The following FAM120B variants were observed in gnomAD, a reference collection of about 807,000 sequenced individuals.
FAM120B encodes family with sequence similarity 120 member B, also known as constitutive coactivator of peroxisome proliferator-activated receptor gamma.
Under a neutral mutation model 96.3 loss-of-function variants are expected in FAM120B, and 83 were observed. The ratio of observed to expected loss-of-function variants is 0.86; its 90% CI spans 0.72 to 1.03. FAM120B has a LOEUF of 1.03. FAM120B is among the 50% of genes least tolerant of loss of function. The pLI is 0.00. For missense variants in FAM120B, 1,027 were observed against 1,121.2 expected (o/e 0.92, Z 1.20); for synonymous variants, 407 against 402.7 (o/e 1.01, Z -0.13).
chr6:170,376,244 A>G (rs1789503630), intron 6 of FAM120B, among the ~76,000 whole-genome samples: 1 of 152,084 alleles, frequency 6.6e-6, no homozygotes, highest in Non-Finnish European at 1.5e-5. Context: ...CTTTGTGAGG[A>G]CTGTGTATGA....
intron 5 of FAM120B, among the ~76,000 whole-genome samples, chr6:170,349,427 A>G (rs940478915): frequency 2.6e-5 from 4 of 152,268 alleles, no homozygotes; most frequent in Non-Finnish European, 4.4e-5. Context: ...TTGTAGAAAT[A>G]CATCTCAAGG....
chr6:170,362,801 C>G (rs754229906), intron 6 of FAM120B, among the ~76,000 whole-genome samples: 15 of 151,826 alleles, frequency 9.9e-5, no homozygotes, highest in Non-Finnish European at 1.8e-4. Context: ...CCCACCTCAG[C>G]CTTCCTAGTA....
In FAM120B at chr6:170,396,581, A is replaced by G. The variant is rs117584181; in HGVS notation, c.2692+1002A>G. ...AATGAGCTTAACCTGCAGAAACTCA[A>G]CCCCACCGAGTCGTGCAGTCACTGT... On this transcript the variant is annotated intron_variant, in intron 9 of 10. Coordinates refer to ENST00000476287, the MANE Select transcript of FAM120B (RefSeq NM_032448.3). Among the ~76,000 whole-genome samples, 44 of 152,224 alleles carry G rather than the reference A, an allele frequency of 2.9e-4. No individual in the cohort carries two copies. In the East Asian group the frequency reaches 8.3e-3, roughly 29 times the overall value.
At chr6:170,393,511 A>T (rs1160632965) in intron 8 of FAM120B, among the ~76,000 whole-genome samples, 3 of 152,234 alleles carry the variant, frequency 2.0e-5, no homozygotes, top group Non-Finnish European at 2.9e-5. Context: ...CAAGTTAATG[A>T]GGCAAACTAC....
intron 5 of FAM120B, among the ~76,000 whole-genome samples, chr6:170,354,123 C>T (rs1787748188): frequency 6.6e-6 from 1 of 152,172 alleles, no homozygotes; most frequent in East Asian, 1.9e-4. Context: ...GACCACACAT[C>T]TACAACCATC....
intron 4 of FAM120B, among the ~76,000 whole-genome samples, chr6:170,340,776 G>A (rs889010948): frequency 6.6e-6 from 1 of 152,174 alleles, no homozygotes; most frequent in African/African-American, 2.4e-5. Flanking sequence ...TTTGCTGGAG[G>A]TCCACTCTAT....
chr6:170,315,542 A>G (rs532446354), intron 1 of FAM120B, among the ~76,000 whole-genome samples: 10 of 152,316 alleles, frequency 6.6e-5, no homozygotes, highest in East Asian at 3.9e-4. Context: ...TACCTTGGCT[A>G]TGTTTCCAAG....
Position 170,318,860 on chromosome 6 carries a change from C to G in FAM120B, c.1470C>G (p.Asp490Glu). The G allele has an allele frequency of 1.2e-6, 2 of 1,614,156 alleles. No individual in the cohort carries two copies. The highest frequency in any genetic ancestry group is 1.7e-6 in the Non-Finnish European group (2 of 1,180,028). Residue 490 changes from aspartate to glutamate, a missense_variant, in exon 2 of 11, where the codon GAC becomes GAG. Asp to Glu is a conservative substitution (Grantham distance 45). Coordinates refer to ENST00000476287, the MANE Select transcript of FAM120B (RefSeq NM_032448.3). ...ESRQEVLIRT[D>E]PESRQEIMCT... is the part of the protein sequence containing the mutation. ...GGCAAGAAGTTTTAATACGGACAGA[C>G]CCTGAATCTAGGCAAGAAATTATGT... is the stretch of plus-strand genomic sequence containing the variant.
At chr6:170,378,570 G>A (rs1361802774) in intron 6 of FAM120B, among the ~76,000 whole-genome samples, 1 of 152,228 alleles carries the variant, frequency 6.6e-6, no homozygotes, top group Non-Finnish European at 1.5e-5. Context: ...AGTGAGAGAC[G>A]CCAACCCTTG....
intron 7 of FAM120B, 63 bp from the exon 8 acceptor site, chr6:170,390,950 C>T: frequency 7.4e-7 from 1 of 1,355,208 alleles, no homozygotes; most frequent in South Asian, 1.2e-5. Flanking sequence ...CTTCCAGCCA[C>T]ATCTGGCCCT....
chr6:170,359,053 T>C (rs774950370), intron 6 of FAM120B, among the ~76,000 whole-genome samples: 3 of 152,114 alleles, frequency 2.0e-5, no homozygotes, highest in Admixed American at 6.5e-5. Context: ...TTCGTTTTAC[T>C]TGTTTTTCTA....
intron 9 of FAM120B, among the ~76,000 whole-genome samples, chr6:170,401,387 C>T (rs529347211): frequency 6.6e-6 from 1 of 152,172 alleles, no homozygotes; most frequent in Admixed American, 6.5e-5. Flanking sequence ...TTGGGGGTGA[C>T]AGGACATGGG....
At chr6:170,317,003 T>TCAA (rs1022110557) in intron 1 of FAM120B, among the ~76,000 whole-genome samples, 2 of 152,260 alleles carry the variant, frequency 1.3e-5, no homozygotes, top group African/African-American at 4.8e-5. Context: ...ATTTATGTTT[T>TCAA]AGATTTTTAA....
upstream of FAM120B, chr6:170,291,158 C>A (rs1055902163): frequency 1.4e-5 from 9 of 652,380 alleles, 1 homozygote; most frequent in South Asian, 7.7e-5. Flanking sequence ...CGCCCCCAGC[C>A]CCCCCTTCCT....
rs1562567052 is a variant in FAM120B at position 170,361,224 on chromosome 6, A to ATATATATACG, written c.2283+2914_2283+2915insCGTATATATA. Among the ~76,000 whole-genome samples, 20 of 115,056 alleles carry ATATATATACG rather than the reference A, an allele frequency of 1.7e-4. No individual in the cohort carries two copies. The East Asian group carries it at 2.5e-3, about 14-fold the overall frequency. 75.5% of individuals were successfully genotyped at this position (115,056 alleles called of 152,430 possible). ...TATATATATATATATATATATATAT[A>ATATATATACG]TATATATATATACACGTATATATAT... On this transcript the variant is annotated intron_variant, in intron 6 of 10. Transcript: ENST00000476287.
intron 3 of FAM120B, among the ~76,000 whole-genome samples, chr6:170,328,750 T>G (rs1287679011): frequency 6.6e-6 from 1 of 152,224 alleles, no homozygotes; most frequent in African/African-American, 2.4e-5. Flanking sequence ...GGCCATTTGT[T>G]GACTTCCTCC....
At chr6:170,372,211 T>A (rs1652960812) in intron 6 of FAM120B, among the ~76,000 whole-genome samples, 1 of 152,208 alleles carries the variant, frequency 6.6e-6, no homozygotes, top group Non-Finnish European at 1.5e-5. Flanking sequence ...AAATTTTTTT[T>A]AAGAATGATT....
At chr6:170,382,544 C>T (rs1789970880) in intron 6 of FAM120B, among the ~76,000 whole-genome samples, 1 of 152,174 alleles carries the variant, frequency 6.6e-6, no homozygotes, top group Admixed American at 6.5e-5. Flanking sequence ...GATAGTACCA[C>T]TTAACAATTG....
intron 1 of FAM120B, among the ~76,000 whole-genome samples, chr6:170,308,934 T>C (rs756711547): frequency 3.9e-5 from 6 of 152,260 alleles, no homozygotes; most frequent in African/African-American, 7.2e-5. Context: ...TAACTCAGCA[T>C]GTTGGACAGG....
Sources: allele counts gnomAD v4.1 joint callset (sites outside exome capture counted in the v4.1 genomes callset), GRCh38; gene constraint gnomAD v4.1.1; transcripts MANE v1.5; gene names NCBI Gene and HGNC (gene_info 2026-07-23, HGNC 2026-07-21).